The following SLC22A3 variants were observed in gnomAD, a reference collection of about 807,000 sequenced individuals.
The protein encoded by SLC22A3 is solute carrier family 22 member 3.
A neutral mutation model predicts 59.1 loss-of-function variants in SLC22A3; 51 were observed. The ratio of observed to expected loss-of-function variants is 0.86; its 90% CI spans 0.69 to 1.09. SLC22A3 has a LOEUF of 1.09. Ranked by LOEUF, SLC22A3 falls within the 50% of genes least tolerant of loss-of-function variation. SLC22A3 has a pLI of 0.00. For synonymous variants in SLC22A3, 325 were observed against 292.0 expected (o/e 1.11, Z -1.15); for missense variants, 711 against 726.3 (o/e 0.98, Z 0.24).
At chr6:160,367,201 G>A (rs555355699) in intron 1 of SLC22A3, among the ~76,000 whole-genome samples, 57 of 152,304 alleles carry the variant, frequency 3.7e-4, no homozygotes, top group Non-Finnish European at 6.9e-4. Context: ...TACAATCATG[G>A]TAGAAGGGGA....
At chr6:160,379,430 A>G (rs1785717484) in intron 1 of SLC22A3, among the ~76,000 whole-genome samples, 1 of 152,176 alleles carries the variant, frequency 6.6e-6, no homozygotes, top group South Asian at 2.1e-4. Context: ...ATGCCAACTA[A>G]ATGTGATAGA....
At chr6:160,446,258 G>C (rs774930789) in intron 9 of SLC22A3, among the ~76,000 whole-genome samples, 1 of 152,232 alleles carries the variant, frequency 6.6e-6, no homozygotes, top group Non-Finnish European at 1.5e-5. Flanking sequence ...GTCTGGAGGA[G>C]GGCAGGCAGA....
intron 9 of SLC22A3, 133 bp from the exon 10 acceptor site, chr6:160,447,586 C>T: frequency 1.3e-6 from 1 of 761,004 alleles, no homozygotes. Flanking sequence ...GGGCATTGAT[C>T]TGGGATGCAG....
intron 8 of SLC22A3, 86 bp from the exon 9 acceptor site, chr6:160,443,544 G>C: frequency 1.1e-6 from 1 of 895,552 alleles, no homozygotes; most frequent in Non-Finnish European, 1.8e-6. Flanking sequence ...CACTTCCTTT[G>C]GTTTTTTAAT....
chr6:160,450,431 T>TTCTATTTCAAGG (rs1406105926), intron 10 of SLC22A3, among the ~76,000 whole-genome samples: 1 of 152,194 alleles, frequency 6.6e-6, no homozygotes, highest in Non-Finnish European at 1.5e-5. Context: ...AAAATCGCTG[T>TTCTATTTCAAGG]TACTCTGTTC....
At chr6:160,429,981 A>G (rs1180861479) in intron 5 of SLC22A3, among the ~76,000 whole-genome samples, 1 of 152,142 alleles carries the variant, frequency 6.6e-6, no homozygotes, top group Non-Finnish European at 1.5e-5. Context: ...CTGAAAATAA[A>G]GTAACTCTCA....
chr6:160,423,920 G>T (rs985786755), intron 5 of SLC22A3, among the ~76,000 whole-genome samples: 1 of 152,178 alleles, frequency 6.6e-6, no homozygotes, highest in African/African-American at 2.4e-5. Flanking sequence ...GAATGGTATT[G>T]CCTAGGTTTT....
chr6:160,431,462 G>A (rs938092526), intron 5 of SLC22A3, among the ~76,000 whole-genome samples: 4 of 152,160 alleles, frequency 2.6e-5, no homozygotes, highest in Admixed American at 2.0e-4. Context: ...CTTAAATGTA[G>A]CAAAATATGT....
At chr6:160,432,593 A>AT (rs1471583087) in intron 5 of SLC22A3, among the ~76,000 whole-genome samples, 1 of 151,856 alleles carries the variant, frequency 6.6e-6, no homozygotes, top group East Asian at 1.9e-4. Flanking sequence ...AAGCCCAGAT[A>AT]TTTTTTGTAT....
intron 1 of SLC22A3, among the ~76,000 whole-genome samples, chr6:160,373,679 C>T (rs889839375): frequency 3.9e-5 from 6 of 152,214 alleles, no homozygotes; most frequent in Non-Finnish European, 8.8e-5. Context: ...ACTGGGGCTT[C>T]TGCCTTTCTT....
intron 1 of SLC22A3, chr6:160,349,088 G>C (rs1784574923): frequency 1.0e-5 from 10 of 985,184 alleles, no homozygotes; most frequent in Non-Finnish European, 1.2e-5. Context: ...CTTTGGTTTC[G>C]GGTGTGAACA....
intron 2 of SLC22A3, among the ~76,000 whole-genome samples, chr6:160,400,084 ATTTTTTT>A (rs760874011): frequency 3.9e-4 from 37 of 95,438 alleles, no homozygotes; most frequent in African/African-American, 9.0e-4. Flanking sequence ...AGCTTTTGTG[ATTTTTTT>A]TTTTTTTTTT....
intron 1 of SLC22A3, among the ~76,000 whole-genome samples, chr6:160,381,289 A>G (rs1250672367): frequency 6.6e-6 from 1 of 152,234 alleles, no homozygotes; most frequent in Non-Finnish European, 1.5e-5. Flanking sequence ...TTGATGTAAC[A>G]CTTTTCAAAA....
intron 5 of SLC22A3, among the ~76,000 whole-genome samples, chr6:160,427,241 G>C (rs1044418745): frequency 2.6e-5 from 4 of 152,122 alleles, no homozygotes; most frequent in South Asian, 2.1e-4. Context: ...ATGAGGGAAG[G>C]CTCCATTTTC....
intron 2 of SLC22A3, among the ~76,000 whole-genome samples, chr6:160,402,665 C>G (rs898111244): frequency 6.6e-6 from 1 of 151,516 alleles, no homozygotes; most frequent in African/African-American, 2.4e-5. Context: ...CATATATTAG[C>G]AAATTTGAAG....
Position 160,413,036 on chromosome 6 carries a change from T to C in SLC22A3, c.975+2190T>C, listed in dbSNP as rs425109. Among the ~76,000 whole-genome samples the C allele has an allele frequency of 5.2e-3, 795 of 151,738 alleles. 11 individuals are homozygous for C. The East Asian group carries it at 0.062, about 12-fold the overall frequency. On this transcript the variant is annotated intron_variant, in intron 5 of 10. Coordinates refer to ENST00000275300, the MANE Select transcript of SLC22A3 (RefSeq NM_021977.4). ...AGAAAAATAAGAATATAGAAAGGAA[T>C]ATAGAAAAATAAGAATATAGAAAGG...
chr6:160,400,146 A>G (rs1276771863), intron 2 of SLC22A3, among the ~76,000 whole-genome samples: 2 of 137,246 alleles, frequency 1.5e-5, no homozygotes, highest in Non-Finnish European at 3.1e-5. Flanking sequence ...AAAGGTGAAT[A>G]TTAAGGAAAA....
chr6:160,369,596 AT>A (rs1202374839), intron 1 of SLC22A3, among the ~76,000 whole-genome samples: 1 of 152,190 alleles, frequency 6.6e-6, no homozygotes, highest in African/African-American at 2.4e-5. Flanking sequence ...AACAATTTGT[AT>A]TTCATGTTAG....
intron 5 of SLC22A3, among the ~76,000 whole-genome samples, chr6:160,421,470 T>G (rs530590640): frequency 1.3e-5 from 2 of 152,296 alleles, no homozygotes; most frequent in African/African-American, 4.8e-5. Context: ...GCTTCCCCCT[T>G]TTCCTTCTCA....
Sources: gnomAD v4.1 joint callset for allele counts (sites outside exome capture counted in the v4.1 genomes callset) on GRCh38, gnomAD v4.1.1 for gene constraint, MANE v1.5 for transcripts, NCBI Gene and HGNC (gene_info 2026-07-23, HGNC 2026-07-21) for gene names.